Variants in AFG2A observed in about 807,000 individuals in gnomAD.
The protein encoded by AFG2A is ATPase family gene 2 protein homolog A.
At chr4:123,170,118 T>C in the AFG2A span, among the ~76,000 whole-genome samples, 1 of 152,174 alleles carries the variant, frequency 6.6e-6, no homozygotes, top group Admixed American at 6.5e-5. Context: ...CAAAGACTGA[T>C]TGCATGTACT....
chr4:123,023,946 C>T, the AFG2A span, among the ~76,000 whole-genome samples: 1 of 148,624 alleles, frequency 6.7e-6, no homozygotes, highest in East Asian at 2.0e-4. Context: ...GGGGTTCCTG[C>T]CCCCCACCGA....
the AFG2A span, among the ~76,000 whole-genome samples, chr4:123,086,695 A>AT: frequency 1.6e-3 from 243 of 148,790 alleles, no homozygotes; most frequent in East Asian, 0.017. Flanking sequence ...TGGTTTTATT[A>AT]TTTTTTTTTT....
the AFG2A span, among the ~76,000 whole-genome samples, chr4:123,178,361 T>C: frequency 6.6e-6 from 1 of 152,224 alleles, no homozygotes; most frequent in Non-Finnish European, 1.5e-5. Flanking sequence ...CTTCTGTAAA[T>C]CCATAACAGA....
the AFG2A span, among the ~76,000 whole-genome samples, chr4:123,248,955 A>C: frequency 6.6e-6 from 1 of 152,180 alleles, no homozygotes; most frequent in African/African-American, 2.4e-5. Context: ...ACTGAAGCAT[A>C]CATGCCATAT....
chr4:123,244,468 C>T, the AFG2A span, among the ~76,000 whole-genome samples: 1 of 152,186 alleles, frequency 6.6e-6, no homozygotes, highest in Non-Finnish European at 1.5e-5. Context: ...CATCACCACT[C>T]GGCGTCACCA....
At chr4:123,090,144 G>A in the AFG2A span, among the ~76,000 whole-genome samples, 1 of 152,278 alleles carries the variant, frequency 6.6e-6, no homozygotes, top group Non-Finnish European at 1.5e-5. Flanking sequence ...TGCGTAATGA[G>A]TTTTTTATTT....
chr4:123,025,845 T>C, the AFG2A span, among the ~76,000 whole-genome samples: 5 of 152,214 alleles, frequency 3.3e-5, no homozygotes, highest in Non-Finnish European at 7.3e-5. Flanking sequence ...GCATATCTTG[T>C]CTCATTAAGT....
chr4:123,266,231 T>C, the AFG2A span, among the ~76,000 whole-genome samples: 1 of 152,020 alleles, frequency 6.6e-6, no homozygotes, highest in Non-Finnish European at 1.5e-5. Context: ...CCCTGGGTTA[T>C]GGAATGAGAA....
chr4:123,307,268 A>T, the AFG2A span, among the ~76,000 whole-genome samples: 3 of 152,076 alleles, frequency 2.0e-5, no homozygotes, highest in Non-Finnish European at 4.4e-5. Flanking sequence ...CAGCCTCCTA[A>T]GTAGCATGAC....
chr4:123,204,798 T>G, the AFG2A span, among the ~76,000 whole-genome samples: 1 of 152,220 alleles, frequency 6.6e-6, no homozygotes, highest in African/African-American at 2.4e-5. Context: ...TGTGCTGATT[T>G]GGATGTAGTT....
chr4:123,304,522 C>CGGCT, the AFG2A span, among the ~76,000 whole-genome samples: 22 of 152,186 alleles, frequency 1.4e-4, no homozygotes, highest in African/African-American at 5.1e-4. Flanking sequence ...GGCCCTCCAG[C>CGGCT]GGCTGCACCA....
the AFG2A span, among the ~76,000 whole-genome samples, chr4:123,192,937 A>T: frequency 6.6e-6 from 1 of 152,242 alleles, no homozygotes; most frequent in Non-Finnish European, 1.5e-5. Flanking sequence ...TGTTTTATGT[A>T]TCTAAGGTAC....
chr4:122,975,476 CT>C, the AFG2A span, among the ~76,000 whole-genome samples: 1 of 152,100 alleles, frequency 6.6e-6, no homozygotes, highest in Non-Finnish European at 1.5e-5. Flanking sequence ...TTTTACTCTA[CT>C]TTTACTCTAT....
At chr4:122,931,014 C>A in the AFG2A span, among the ~76,000 whole-genome samples, 1 of 152,104 alleles carries the variant, frequency 6.6e-6, no homozygotes, top group Non-Finnish European at 1.5e-5. Context: ...TCATTTTAGT[C>A]TGCTTAAATC....
chr4:122,933,429 C>G, the AFG2A span: 1 of 1,610,152 alleles, frequency 6.2e-7, no homozygotes, highest in East Asian at 2.2e-5. Context: ...CCCTTCTTAT[C>G]CTTTTACAGT....
chr4:123,301,137 G>T, the AFG2A span, among the ~76,000 whole-genome samples: 151,723 of 152,328 alleles, frequency 1, 75,561 homozygotes, highest in Middle Eastern at 1. Context: ...TTGAACCTTC[G>T]CTATAGAAAA....
the AFG2A span, among the ~76,000 whole-genome samples, chr4:123,207,756 C>T: frequency 1.3e-5 from 2 of 152,098 alleles, no homozygotes. Context: ...CTGAAAACTA[C>T]AAAACATTTC....
chr4:123,181,227 G>A, the AFG2A span, among the ~76,000 whole-genome samples: 4 of 151,574 alleles, frequency 2.6e-5, no homozygotes, highest in African/African-American at 7.3e-5. Context: ...CTCATGATCC[G>A]CCCACCTTGG....
the AFG2A span, among the ~76,000 whole-genome samples, chr4:123,076,551 A>G: frequency 1.5e-5 from 2 of 129,348 alleles, no homozygotes; most frequent in African/African-American, 3.0e-5. Context: ...CTTTATTTTT[A>G]TTTTTATTTG....
Sources: gnomAD v4.1 joint callset for allele counts (sites outside exome capture counted in the v4.1 genomes callset) on GRCh38, gnomAD v4.1.1 for gene constraint, MANE v1.5 for transcripts, NCBI Gene and HGNC (gene_info 2026-07-23, HGNC 2026-07-21) for gene names.